PCDHGA10: variants seen among roughly 807,000 people sequenced by gnomAD.
PCDHGA10 encodes the protein protocadherin gamma-A10.
A neutral mutation model predicts 59.5 loss-of-function variants in PCDHGA10; 42 were observed. That is an observed-to-expected ratio of 0.71 (90% CI 0.55 to 0.91). The LOEUF (loss-of-function observed/expected upper bound fraction) is 0.91. PCDHGA10 is among the 40% of genes least tolerant of loss of function. PCDHGA10 has a pLI of 0.00. For missense variants in PCDHGA10, 1,111 were observed against 1,198.2 expected, an observed-to-expected ratio of 0.93 and a Z score of 1.07; for synonymous variants, 511 against 517.2, an observed-to-expected ratio of 0.99 and a Z score of 0.16.
intron 1 of PCDHGA10, among the ~76,000 whole-genome samples, chr5:141,435,619 T>A (rs2097772280): frequency 6.6e-6 from 1 of 152,190 alleles, no homozygotes; most frequent in Non-Finnish European, 1.5e-5. Context: ...AAATTCCCCA[T>A]AACTTTTACA....
chr5:141,418,696 T>C, intron 1 of PCDHGA10: 1 of 1,614,034 alleles, frequency 6.2e-7, no homozygotes, highest in Non-Finnish European at 8.5e-7. Context: ...AGATCACTTA[T>C]TCCTTCTTTG....
intron 1 of PCDHGA10, among the ~76,000 whole-genome samples, chr5:141,448,115 T>A (rs62379166): frequency 0.025 from 3,743 of 151,768 alleles, 65 homozygotes; most frequent in Middle Eastern, 0.086. Flanking sequence ...GAAAAGAAAA[T>A]TAGCCTCCCC....
chr5:141,460,791 C>A (rs2098997892), intron 1 of PCDHGA10, among the ~76,000 whole-genome samples: 1 of 151,666 alleles, frequency 6.6e-6, no homozygotes, highest in Non-Finnish European at 1.5e-5. Context: ...TATATACACA[C>A]AAAGTATATA....
chr5:141,426,523 G>A (rs1018320941), intron 1 of PCDHGA10: 14 of 342,474 alleles, frequency 4.1e-5, no homozygotes, highest in African/African-American at 3.0e-4. Flanking sequence ...CGTGAACACG[G>A]AGAATGGGAA....
In PCDHGA10 at chr5:141,493,211, G is replaced by C. The variant is rs1312763933; in HGVS notation, c.2437-1596G>C. Reference sequence around the variant, plus strand: ...CTCCTTTGAGAACCTCATCTCATTTGCTCTTCCCACCATTGCTGTTGGCTA... The same window carrying C: ...CTCCTTTGAGAACCTCATCTCATTTCCTCTTCCCACCATTGCTGTTGGCTA... On this transcript the variant is annotated intron_variant, in intron 1 of 3. Transcript: ENST00000398610. The surrounding 1 kb of genome is among the most constrained non-coding windows in gnomAD (Gnocchi z 4.3). 6.6e-6 allele frequency among the ~76,000 whole-genome samples: 1 copy of C among 152,180 alleles called. No individual in the cohort carries two copies. The highest frequency in any genetic ancestry group is 2.4e-5 in the African/African-American group (1 of 41,436).
At chr5:141,510,917 C>A in intron 3 of PCDHGA10, 30 bp from the exon 4 acceptor site, 2 of 1,613,854 alleles carry the variant, frequency 1.2e-6, no homozygotes, top group Non-Finnish European at 8.5e-7. Flanking sequence ...CTAAGTTTAG[C>A]TCCCACCTGA....
intron 1 of PCDHGA10, among the ~76,000 whole-genome samples, chr5:141,449,310 A>G (rs1006876700): frequency 4.6e-5 from 7 of 152,112 alleles, no homozygotes; most frequent in Non-Finnish European, 7.4e-5. Context: ...TATGTATTAT[A>G]TAATTGTATC....
At chr5:141,428,600 C>T (rs2097150405) in intron 1 of PCDHGA10, 1 of 223,920 alleles carries the variant, frequency 4.5e-6, no homozygotes, top group African/African-American at 2.3e-5. Flanking sequence ...GCAAGCTTCA[C>T]TGAAGAGAAT....
At chr5:141,459,245 C>G (rs1040972875) in intron 1 of PCDHGA10, among the ~76,000 whole-genome samples, 1 of 152,180 alleles carries the variant, frequency 6.6e-6, no homozygotes, top group African/African-American at 2.4e-5. Context: ...TGCTTCCTGT[C>G]ACTATAAATT....
intron 1 of PCDHGA10, among the ~76,000 whole-genome samples, chr5:141,447,275 G>A (rs2098532748): frequency 1.3e-5 from 2 of 152,154 alleles, no homozygotes; most frequent in South Asian, 2.1e-4. Context: ...AAGTAGCTGG[G>A]ACTACAGGCA....
intron 1 of PCDHGA10, among the ~76,000 whole-genome samples, chr5:141,444,152 ATTTTTTTTTTTTTTTTTTTTTT>A (rs747671382): frequency 8.9e-5 from 3 of 33,882 alleles, no homozygotes; most frequent in East Asian, 1.0e-3. Flanking sequence ...TGTGTACTGG[ATTTTTTTTTTTTTTTTTTTTTT>A]TTTTTTTTTT....
At chr5:141,441,852 G>A in intron 1 of PCDHGA10, 1 of 352,826 alleles carries the variant, frequency 2.8e-6, no homozygotes, top group South Asian at 2.4e-5. Flanking sequence ...TGGATATGGT[G>A]CTGCACGCCG....
At chr5:141,498,248 G>A (rs1484987588) in intron 2 of PCDHGA10, among the ~76,000 whole-genome samples, 2 of 152,208 alleles carry the variant, frequency 1.3e-5, no homozygotes, top group Non-Finnish European at 2.9e-5. Flanking sequence ...CTTCAAAGCA[G>A]GGCTGGTGTT....
intron 3 of PCDHGA10, among the ~76,000 whole-genome samples, chr5:141,509,952 C>T (rs954730777): frequency 7.2e-5 from 11 of 152,186 alleles, no homozygotes; most frequent in African/African-American, 2.2e-4. Flanking sequence ...CAAATGCTAC[C>T]GGGTATGGCC....
chr5:141,430,915 G>T, intron 1 of PCDHGA10: 1 of 1,607,738 alleles, frequency 6.2e-7, no homozygotes, highest in East Asian at 2.2e-5. Flanking sequence ...CCAGGGACCT[G>T]GGGCTGGAGC....
intron 1 of PCDHGA10, among the ~76,000 whole-genome samples, chr5:141,426,066 A>T (rs1488003387): frequency 6.6e-6 from 1 of 152,196 alleles, no homozygotes; most frequent in Admixed American, 6.5e-5. Context: ...CAAGAACTGG[A>T]GCCTGGGATC....
At chr5:141,465,657 G>T (rs904553709) in intron 1 of PCDHGA10, among the ~76,000 whole-genome samples, 2 of 152,130 alleles carry the variant, frequency 1.3e-5, no homozygotes, top group Non-Finnish European at 2.9e-5. Context: ...CCAAAAAAGC[G>T]CTTGCCATGA....
intron 2 of PCDHGA10, among the ~76,000 whole-genome samples, chr5:141,499,689 CTT>C (rs545067566): frequency 7.5e-5 from 9 of 119,852 alleles, no homozygotes; most frequent in African/African-American, 9.3e-5. Flanking sequence ...TAACAGATGA[CTT>C]TTTTTTTTTT....
In PCDHGA10 at chr5:141,414,415, C is replaced by A. The variant is rs769791452; in HGVS notation, c.1240C>A (p.Leu414Ile). The A allele has an allele frequency of 6.2e-7, 1 of 1,613,876 alleles. No homozygotes were observed. The highest frequency in any genetic ancestry group is 1.7e-5 in the Admixed American group (1 of 60,020). ...SYYRLVIHRALDREQVSSYNI... is the reference protein window; with the variant it reads ...SYYRLVIHRAIDREQVSSYNI... ...TTACAGATTGGTGATACACAGAGCC[C>A]TTGACAGGGAACAGGTATCCTCTTA... is the stretch of plus-strand genomic sequence containing the variant. The change falls in exon 1 of 4, where the codon CTT becomes ATT. Residue 414 changes from leucine to isoleucine, a missense_variant. Physicochemically the swap from Leu to Ile is conservative, Grantham distance 5. Coordinates refer to ENST00000398610, the MANE Select transcript of PCDHGA10 (RefSeq NM_018913.3).
Sources: allele counts gnomAD v4.1 joint callset (sites outside exome capture counted in the v4.1 genomes callset), GRCh38; gene constraint gnomAD v4.1.1; non-coding constraint Gnocchi (gnomAD v3.1); transcripts MANE v1.5; gene names NCBI Gene and HGNC (gene_info 2026-07-23, HGNC 2026-07-21).